Variants in CORO1C observed in about 807,000 individuals in gnomAD.
CORO1C encodes coronin-1C.
CORO1C carries 14 observed loss-of-function variants against 51.2 expected under a neutral mutation model. The observed-to-expected ratio is 0.27, with a 90% CI of 0.18 to 0.43. The LOEUF (loss-of-function observed/expected upper bound fraction) is 0.43. Ranked by LOEUF, CORO1C falls within the 20% of genes least tolerant of loss-of-function variation. The pLI, the probability that CORO1C is intolerant of heterozygous loss-of-function variation, is 1.00. For synonymous variants in CORO1C, 181 were observed against 210.5 expected (o/e 0.86, Z 1.21); for missense variants, 417 against 607.8 (o/e 0.69, Z 3.30).
At position 108,658,843 on chromosome 12, in the gene CORO1C, G is replaced by C. The variant is rs763221290; in HGVS notation, c.525C>G (p.Asp175Glu). Residue 175 changes from aspartate to glutamate, a missense_variant, in exon 5 of 11, where the codon GAC becomes GAG. Transcript: ENST00000261401. This position sits in a 1 kb window ranked among gnomAD's most constrained non-coding sequence, Gnocchi z 4.9. ...ALINLDDMHS[D>E]MIYNVSWNRN... ...GGTTCCAGCTCACATTGTAAATCAT[G>C]TCTGAATGCATATCGTCCAAGTTTA... 6.2e-7 allele frequency: 1 copy of C among 1,613,918 alleles called. No individual in the cohort carries two copies. Among genetic ancestry groups the C allele is most frequent in the Admixed American group, 1.7e-5 (1 of 60,026 alleles).
rs547053098 is a variant in CORO1C, at chr12:108,680,256, G to C, written c.196-1862C>G. Among the ~76,000 whole-genome samples the C allele has an allele frequency of 2.6e-5, 4 of 152,298 alleles. No individual in the cohort carries two copies. In the South Asian group the frequency reaches 8.3e-4, roughly 32 times the overall value. On this transcript the variant is annotated intron_variant, in intron 2 of 10. Transcript: ENST00000261401. ...CAGGTTTGTGGGGTCACAGTCTCTG[G>C]AGAGGTTTTCTTCTGGGAAAGGTAA...
At chr12:108,686,538 G>A (rs2034302856) in intron 2 of CORO1C, among the ~76,000 whole-genome samples, 1 of 152,196 alleles carries the variant, frequency 6.6e-6, no homozygotes, top group Non-Finnish European at 1.5e-5. Context: ...TTTCTGGCAT[G>A]AAATTGAAGT....
At chr12:108,704,733 G>A (rs555655946) in intron 1 of CORO1C, among the ~76,000 whole-genome samples, 260 of 152,296 alleles carry the variant, frequency 1.7e-3, no homozygotes, top group African/African-American at 6.0e-3. Flanking sequence ...TGGCATAGCC[G>A]CTTTTCTTGC....
At chr12:108,717,305 G>A (rs1407224038) in intron 1 of CORO1C, among the ~76,000 whole-genome samples, 6 of 152,236 alleles carry the variant, frequency 3.9e-5, no homozygotes, top group East Asian at 1.9e-4. Context: ...AAGAGGCTGC[G>A]AGGTCAGCAG....
intron 1 of CORO1C, among the ~76,000 whole-genome samples, chr12:108,710,313 G>A (rs2035143313): frequency 6.6e-6 from 1 of 152,174 alleles, no homozygotes; most frequent in Non-Finnish European, 1.5e-5. Context: ...CCAAAAAGGA[G>A]GATTACGGGC....
chr12:108,709,388 C>T (rs1410853027), intron 1 of CORO1C, among the ~76,000 whole-genome samples: 2 of 152,144 alleles, frequency 1.3e-5, no homozygotes, highest in Non-Finnish European at 2.9e-5. Context: ...ACCGGCACCA[C>T]TTATCAAGGA....
At chr12:108,656,354 C>T (rs1215901512) in intron 6 of CORO1C, among the ~76,000 whole-genome samples, 3 of 149,460 alleles carry the variant, frequency 2.0e-5, no homozygotes, top group Non-Finnish European at 3.0e-5. Flanking sequence ...AGCCCCCACC[C>T]GGCCAGCCGC....
intron 1 of CORO1C, among the ~76,000 whole-genome samples, chr12:108,706,990 G>A (rs1302916491): frequency 6.6e-6 from 1 of 152,112 alleles, no homozygotes; most frequent in African/African-American, 2.4e-5. Flanking sequence ...TAATCAAGGA[G>A]ATGAAAGACT....
intron 1 of CORO1C, among the ~76,000 whole-genome samples, chr12:108,717,957 C>T (rs2035379973): frequency 6.6e-6 from 1 of 152,176 alleles, no homozygotes. Context: ...ATGGCTCACA[C>T]CTGTAATCCC....
intron 2 of CORO1C, among the ~76,000 whole-genome samples, chr12:108,697,142 T>C (rs117427136): frequency 3.6e-3 from 553 of 152,304 alleles, no homozygotes; most frequent in Non-Finnish European, 5.7e-3. Context: ...ATAAGAAGCC[T>C]TATTTACTGC....
intron 1 of CORO1C, among the ~76,000 whole-genome samples, chr12:108,711,747 T>C (rs1353332201): frequency 6.7e-6 from 1 of 150,234 alleles, no homozygotes; most frequent in Non-Finnish European, 1.5e-5. Flanking sequence ...GAGGAAAAAA[T>C]GCAGACAAGA....
chr12:108,650,180 C>CTTTTTT (rs1057367204), intron 8 of CORO1C, among the ~76,000 whole-genome samples: 6 of 80,410 alleles, frequency 7.5e-5, no homozygotes, highest in Non-Finnish European at 1.4e-4. Flanking sequence ...AACCAAAAAC[C>CTTTTTT]TTTTTTTTTT....
chr12:108,659,494 A>C (rs914659575), intron 4 of CORO1C, among the ~76,000 whole-genome samples: 1 of 152,256 alleles, frequency 6.6e-6, no homozygotes, highest in Non-Finnish European at 1.5e-5. Flanking sequence ...GATCATTATT[A>C]CTTTTTTGAT....
intron 6 of CORO1C, among the ~76,000 whole-genome samples, chr12:108,656,780 G>A (rs1044214508): frequency 2.6e-5 from 4 of 152,214 alleles, no homozygotes; most frequent in African/African-American, 9.7e-5. Context: ...AACATGTGCT[G>A]TGTCCACTCA....
chr12:108,695,090 C>CA lies in CORO1C; in HGVS notation c.195+6033dup, dbSNP rs944251818. On this transcript the variant is annotated intron_variant, in intron 2 of 10. Transcript: ENST00000261401. The stretch of plus-strand genomic sequence containing the variant: ...CACGAGATAGTGTCAGCCAGGGCTG[C>CA]AGTCACCTGATGGCTTTACTAGGGC... Among the ~76,000 whole-genome samples the CA allele has an allele frequency of 1.1e-3, 171 of 152,338 alleles. 2 individuals carry two copies. The highest frequency in any genetic ancestry group is 3.7e-3 in the African/African-American group (154 of 41,582).
chr12:108,705,783 G>A (rs1049722422), intron 1 of CORO1C, among the ~76,000 whole-genome samples: 1 of 152,102 alleles, frequency 6.6e-6, no homozygotes, highest in African/African-American at 2.4e-5. Context: ...CCACAATCAA[G>A]TGGGATTTAT....
At chr12:108,714,939 T>A (rs1315919320) in intron 1 of CORO1C, among the ~76,000 whole-genome samples, 1 of 152,150 alleles carries the variant, frequency 6.6e-6, no homozygotes, top group African/African-American at 2.4e-5. Flanking sequence ...ACTGGCAATG[T>A]GAAGCAGAAA....
chr12:108,725,507 G>A (rs1160956265), intron 1 of CORO1C, among the ~76,000 whole-genome samples: 1 of 152,198 alleles, frequency 6.6e-6, no homozygotes, highest in Admixed American at 6.5e-5. Flanking sequence ...GGAGGTGAGG[G>A]AGCTGGCAAA....
intron 1 of CORO1C, among the ~76,000 whole-genome samples, chr12:108,710,418 G>T (rs1292210502): frequency 6.6e-6 from 1 of 152,090 alleles, no homozygotes; most frequent in Non-Finnish European, 1.5e-5. Flanking sequence ...TACGGGACAG[G>T]TTTTGACTAT....
Sources: allele counts gnomAD v4.1 joint callset (sites outside exome capture counted in the v4.1 genomes callset), GRCh38; gene constraint gnomAD v4.1.1; non-coding constraint Gnocchi (gnomAD v3.1); transcripts MANE v1.5; gene names NCBI Gene and HGNC (gene_info 2026-07-23, HGNC 2026-07-21).